MTA3: variants seen among roughly 807,000 people sequenced by gnomAD.
The protein encoded by MTA3 is metastasis-associated protein MTA3.
In MTA3, 34 loss-of-function variants were observed where a neutral mutation model predicts 83.5. The observed-to-expected ratio is 0.41, with a 90% confidence interval of 0.31 to 0.54. The LOEUF is 0.54. Ranked by LOEUF, MTA3 falls within the 20% of genes least tolerant of loss-of-function variation. The pLI is 0.33. For missense variants in MTA3, 761 were observed against 726.4 expected, an observed-to-expected ratio of 1.05 and a Z score of -0.55; for synonymous variants, 303 against 252.7, an observed-to-expected ratio of 1.20 and a Z score of -1.89.
intron 4 of MTA3, among the ~76,000 whole-genome samples, chr2:42,624,033 T>C (rs1685839622): frequency 6.6e-6 from 1 of 151,842 alleles, no homozygotes; most frequent in Non-Finnish European, 1.5e-5. Context: ...GATTTAAAGG[T>C]ATGGTTGGAG....
chr2:42,642,888 G>A (rs963585014), intron 5 of MTA3, among the ~76,000 whole-genome samples: 6 of 151,884 alleles, frequency 4.0e-5, no homozygotes, highest in Non-Finnish European at 5.9e-5. Context: ...CAGGTGATCC[G>A]CCTGCCTCGG....
Position 42,729,086 on chromosome 2 carries a change from G to GTTTTTTGTTTT in MTA3, c.1759+6057_1759+6058insGTTTTTTTTTT, listed in dbSNP as rs1430675726. ...TTCTTTTATTAGTTTCACAGTTTGA[G>GTTTTTTGTTTT]TTTTTTTTTTTTTTTTTTTTTTTTT... On this transcript the variant is annotated intron_variant, in intron 16 of 16. Coordinates refer to ENST00000405094, the MANE Select transcript of MTA3 (RefSeq NM_001330442.2). Among the ~76,000 whole-genome samples the GTTTTTTGTTTT allele has an allele frequency of 1.9e-3, 115 of 60,118 alleles. 25 individuals carry two copies. Among genetic ancestry groups the GTTTTTTGTTTT allele is most frequent in the East Asian group, 4.5e-3 (6 of 1,330 alleles). The allele number at this position is 60,118 out of a possible 152,430, so 39.4% of individuals were successfully genotyped here.
At chr2:42,550,029 A>C (rs1264379466) in intron 2 of MTA3, among the ~76,000 whole-genome samples, 1 of 152,072 alleles carries the variant, frequency 6.6e-6, no homozygotes, top group Non-Finnish European at 1.5e-5. Flanking sequence ...AAAGCACAAG[A>C]ATAATGGTGC....
intron 3 of MTA3, among the ~76,000 whole-genome samples, chr2:42,592,018 C>T (rs1573110555): frequency 2.0e-5 from 3 of 151,762 alleles, no homozygotes; most frequent in East Asian, 3.9e-4. Context: ...AATCCCAGCA[C>T]TTTGGGGGGC....
chr2:42,544,211 G>T (rs1281041932), intron 2 of MTA3, among the ~76,000 whole-genome samples: 2 of 152,096 alleles, frequency 1.3e-5, no homozygotes, highest in African/African-American at 4.8e-5. Flanking sequence ...AGTTTGGGAG[G>T]CCAAAGCAGG....
intron 4 of MTA3, among the ~76,000 whole-genome samples, chr2:42,623,133 C>T (rs778139488): frequency 2.6e-5 from 4 of 152,188 alleles, no homozygotes; most frequent in Non-Finnish European, 5.9e-5. Flanking sequence ...ATAACTCAAG[C>T]ATACCTTGAG....
At chr2:42,647,433 G>A (rs1437157706) in intron 6 of MTA3, among the ~76,000 whole-genome samples, 1 of 151,772 alleles carries the variant, frequency 6.6e-6, no homozygotes, top group Non-Finnish European at 1.5e-5. Context: ...TGCCATGTTG[G>A]CCAGGCTGGT....
At chr2:42,548,761 C>G (rs1676875786) in intron 2 of MTA3, among the ~76,000 whole-genome samples, 1 of 129,872 alleles carries the variant, frequency 7.7e-6, no homozygotes, top group Non-Finnish European at 1.6e-5. Context: ...TGTGATTGCC[C>G]CATGGCACTG....
At chr2:42,749,238 G>T (rs1004689920) in intron 16 of MTA3, among the ~76,000 whole-genome samples, 1 of 152,192 alleles carries the variant, frequency 6.6e-6, no homozygotes, top group East Asian at 1.9e-4. Context: ...GCTGCCTCAA[G>T]CTCTGACCTC....
intron 14 of MTA3, among the ~76,000 whole-genome samples, chr2:42,712,041 A>C (rs1443800083): frequency 6.6e-6 from 1 of 152,072 alleles, no homozygotes; most frequent in East Asian, 1.9e-4. Context: ...GTAGAAGGTG[A>C]CCTCTTCAAT....
chr2:42,720,929 G>A (rs140382713), intron 15 of MTA3, among the ~76,000 whole-genome samples: 3 of 119,946 alleles, frequency 2.5e-5, no homozygotes, highest in Admixed American at 1.1e-4. Context: ...TCCAGTCCAA[G>A]TGACCAATTG....
intron 2 of MTA3, among the ~76,000 whole-genome samples, chr2:42,574,461 C>T (rs969269149): frequency 6.7e-6 from 1 of 150,274 alleles, no homozygotes; most frequent in Non-Finnish European, 1.5e-5. Flanking sequence ...CTGCATTTGC[C>T]TATGTTAGTT....
At chr2:42,685,440 G>A (rs573308315) in intron 9 of MTA3, among the ~76,000 whole-genome samples, 11 of 152,266 alleles carry the variant, frequency 7.2e-5, no homozygotes, top group South Asian at 2.1e-4. Context: ...GGATACTGCC[G>A]TCCCTGCTGT....
intron 6 of MTA3, among the ~76,000 whole-genome samples, chr2:42,645,067 G>A (rs753230605): frequency 2.0e-5 from 3 of 151,294 alleles, no homozygotes; most frequent in African/African-American, 4.9e-5. Flanking sequence ...TAAAAGCCAC[G>A]CCTCTTTCCC....
chr2:42,650,715 C>A (rs1057323754), intron 6 of MTA3, among the ~76,000 whole-genome samples: 2 of 152,138 alleles, frequency 1.3e-5, no homozygotes, highest in African/African-American at 4.8e-5. Flanking sequence ...AGGCATGAGC[C>A]ACCGCACCCT....
At chr2:42,581,229 C>T (rs1414553064) in intron 3 of MTA3, among the ~76,000 whole-genome samples, 2 of 152,120 alleles carry the variant, frequency 1.3e-5, no homozygotes, top group African/African-American at 4.8e-5. Context: ...CAAGGCTTCA[C>T]ATTTGCTACT....
chr2:42,606,568 C>G (rs1455356413), intron 3 of MTA3, among the ~76,000 whole-genome samples: 1 of 141,856 alleles, frequency 7.0e-6, no homozygotes, highest in Non-Finnish European at 1.5e-5. Flanking sequence ...GGATGGCGGC[C>G]GGGCGGAGAC....
intron 8 of MTA3, among the ~76,000 whole-genome samples, chr2:42,660,164 C>T (rs1242448545): frequency 6.6e-6 from 1 of 151,964 alleles, no homozygotes; most frequent in East Asian, 1.9e-4. Flanking sequence ...TCTCAGCTCA[C>T]TGCAACCTCC....
chr2:42,747,252 A>G (rs1311026730), intron 16 of MTA3, among the ~76,000 whole-genome samples: 8 of 151,970 alleles, frequency 5.3e-5, no homozygotes, highest in Non-Finnish European at 8.8e-5. Context: ...CGCCCACCTC[A>G]GCCCCCGAAA....
Sources: gnomAD v4.1 joint callset for allele counts (sites outside exome capture counted in the v4.1 genomes callset) on GRCh38, gnomAD v4.1.1 for gene constraint, MANE v1.5 for transcripts, NCBI Gene and HGNC (gene_info 2026-07-23, HGNC 2026-07-21) for gene names.